Variants in WAC observed in about 807,000 individuals in gnomAD.
WAC encodes WW domain-containing adapter protein with coiled-coil.
WAC carries 11 observed loss-of-function variants against 79.6 expected under a neutral mutation model. The ratio of observed to expected loss-of-function variants is 0.14; its 90% CI spans 0.09 to 0.23. The LOEUF is 0.23. Ranked by LOEUF, WAC falls within the 10% of genes least tolerant of loss-of-function variation. WAC has a pLI of 1.00. For missense variants in WAC, 728 were observed against 773.5 expected (o/e 0.94, Z 0.70); for synonymous variants, 304 against 276.9 (o/e 1.10, Z -0.97).
intron 4 of WAC, among the ~76,000 whole-genome samples, chr10:28,585,033 A>G (rs955012163): frequency 2.0e-5 from 3 of 152,162 alleles, no homozygotes; most frequent in Non-Finnish European, 4.4e-5. Flanking sequence ...ACCCCATTGC[A>G]TTCCAGCCTG....
chr10:28,550,964 T>C (rs1229050104), intron 3 of WAC, among the ~76,000 whole-genome samples: 1 of 152,202 alleles, frequency 6.6e-6, no homozygotes, highest in African/African-American at 2.4e-5. Flanking sequence ...ACATTTTAAA[T>C]TTTGCAGTTC....
At chr10:28,568,705 C>T (rs1353758744) in intron 3 of WAC, among the ~76,000 whole-genome samples, 1 of 152,118 alleles carries the variant, frequency 6.6e-6, no homozygotes, top group African/African-American at 2.4e-5. Context: ...CCCCACACCC[C>T]ACGACAGGCC....
intron 3 of WAC, among the ~76,000 whole-genome samples, chr10:28,540,475 T>C (rs1200144854): frequency 2.0e-5 from 3 of 152,248 alleles, no homozygotes; most frequent in Non-Finnish European, 4.4e-5. Context: ...CTTGATAAGA[T>C]GTATTTGTGT....
At chr10:28,611,720 G>A (rs1429590103) in intron 9 of WAC, 54 bp from the exon 10 acceptor site, 1 of 1,592,120 alleles carries the variant, frequency 6.3e-7, no homozygotes, top group Non-Finnish European at 8.5e-7. Context: ...AAGGACTTTA[G>A]TTTTTTGTTT....
chr10:28,539,406 T>C (rs1051522133), intron 3 of WAC, among the ~76,000 whole-genome samples: 1 of 152,218 alleles, frequency 6.6e-6, no homozygotes, highest in East Asian at 1.9e-4. Context: ...AAGGAAATAA[T>C]GTCTATTGTA....
intron 8 of WAC, among the ~76,000 whole-genome samples, chr10:28,610,359 T>C (rs1271292510): frequency 1.3e-5 from 2 of 152,196 alleles, no homozygotes; most frequent in African/African-American, 4.8e-5. Flanking sequence ...TATAACATAC[T>C]GAACACTCAC....
At position 28,611,856 on chromosome 10, in the gene WAC, A is replaced by G; in HGVS notation, c.1371A>G (p.Thr457=). 1 of 1,614,142 alleles carries G rather than the reference A, an allele frequency of 6.2e-7. No homozygotes were observed. The highest frequency in any genetic ancestry group is 1.1e-5 in the South Asian group (1 of 91,080). Residue 457 remains threonine, a synonymous_variant, in exon 10 of 14, where the codon ACA becomes ACG. Transcript: ENST00000354911. The stretch of plus-strand genomic sequence containing the variant: ...CATATGTTTCTCCAAGAATAAGCAC[A>G]CCTCAAACTAACACAGTCCCTATCA... The part of the protein sequence containing the change: ...PRSYVSPRIS[T]PQTNTVPIKP...
At chr10:28,542,078 T>C (rs1300065602) in intron 3 of WAC, among the ~76,000 whole-genome samples, 1 of 152,180 alleles carries the variant, frequency 6.6e-6, no homozygotes, top group Non-Finnish European at 1.5e-5. Context: ...TTGTTTGTGC[T>C]ACTCTCTCCA....
intron 3 of WAC, among the ~76,000 whole-genome samples, chr10:28,563,025 G>A (rs1039200331): frequency 1.3e-5 from 2 of 152,166 alleles, no homozygotes; most frequent in Non-Finnish European, 2.9e-5. Context: ...ACTCTTTGGA[G>A]TTAGGTACAA....
At chr10:28,534,940 A>G (rs1046743586) in intron 2 of WAC, among the ~76,000 whole-genome samples, 1 of 152,244 alleles carries the variant, frequency 6.6e-6, no homozygotes, top group Non-Finnish European at 1.5e-5. Flanking sequence ...GATATGTGTT[A>G]GAATAAAGCT....
intron 3 of WAC, among the ~76,000 whole-genome samples, chr10:28,539,406 T>G (rs1051522133): frequency 1.2e-4 from 19 of 152,218 alleles, no homozygotes; most frequent in African/African-American, 4.6e-4. Context: ...AAGGAAATAA[T>G]GTCTATTGTA....
At chr10:28,595,238 T>G (rs532477848) in intron 6 of WAC, among the ~76,000 whole-genome samples, 6 of 152,312 alleles carry the variant, frequency 3.9e-5, no homozygotes, top group African/African-American at 1.4e-4. Flanking sequence ...AGGCAACTAA[T>G]TGTAGCTTAG....
At chr10:28,614,516 A>C in intron 10 of WAC, 51 bp from the exon 11 acceptor site, 9 of 1,372,112 alleles carry the variant, frequency 6.6e-6, no homozygotes, top group Non-Finnish European at 8.3e-6. Flanking sequence ...TTTTGGGGGG[A>C]GAGATGTGGA....
chr10:28,533,562 C>G lies in WAC; in HGVS notation c.-18C>G, dbSNP rs377277393. On this transcript the variant is annotated 5_prime_UTR_variant, in exon 1 of 14. Coordinates refer to ENST00000354911, the MANE Select transcript of WAC (RefSeq NM_016628.5). Reference sequence around the variant, plus strand: ...CGCTCTCCCCCCTCCCCGACACACACTCACAGGCCGGGCATTGATGGTAAT... The same window carrying G: ...CGCTCTCCCCCCTCCCCGACACACAGTCACAGGCCGGGCATTGATGGTAAT... 1 of 1,541,534 alleles carries G rather than the reference C, an allele frequency of 6.5e-7. No homozygotes were observed. Among genetic ancestry groups the G allele is most frequent in the Non-Finnish European group, 8.8e-7 (1 of 1,139,668 alleles).
intron 3 of WAC, among the ~76,000 whole-genome samples, chr10:28,560,280 A>G (rs1838228865): frequency 6.6e-6 from 1 of 152,176 alleles, no homozygotes; most frequent in Admixed American, 6.5e-5. Flanking sequence ...GCAATCACAG[A>G]TAGCTTGAGA....
At chr10:28,608,043 A>G in intron 7 of WAC, 143 bp from the exon 8 acceptor site, 1 of 832,622 alleles carries the variant, frequency 1.2e-6, no homozygotes, top group Non-Finnish European at 1.9e-6. Flanking sequence ...ATGTTTACTG[A>G]GCATCTTCTG....
intron 3 of WAC, among the ~76,000 whole-genome samples, chr10:28,568,598 G>A (rs1413046708): frequency 6.6e-6 from 1 of 151,896 alleles, no homozygotes; most frequent in East Asian, 1.9e-4. Flanking sequence ...ACAACGTGAG[G>A]TTTGTTACAT....
chr10:28,549,921 T>G (rs1837565576), intron 3 of WAC, among the ~76,000 whole-genome samples: 1 of 152,048 alleles, frequency 6.6e-6, no homozygotes. Context: ...TCCCAGCAGT[T>G]TGAGGTCCCG....
rs1564427145 is a variant in WAC, at chr10:28,622,424, T to TCCCCCCCCCC, written c.*2818_*2819insCCCCCCCCCC. 1.3e-3 allele frequency: 1 copy of TCCCCCCCCCC among 748 alleles called. No individual in the cohort carries two copies. 0.0% of individuals were successfully genotyped at this position (748 alleles called of 1,614,324 possible). On this transcript the variant is annotated 3_prime_UTR_variant, in exon 14 of 14. Transcript: ENST00000354911. The stretch of plus-strand genomic sequence containing the variant: ...AACTTGAGTGGCCTTTCCCTCCCCC[T>TCCCCCCCCCC]GCCCCCCCCCCCCCCCCCCCGTTTT...
Sources: gnomAD v4.1 joint callset for allele counts (sites outside exome capture counted in the v4.1 genomes callset) on GRCh38, gnomAD v4.1.1 for gene constraint, MANE v1.5 for transcripts, NCBI Gene and HGNC (gene_info 2026-07-23, HGNC 2026-07-21) for gene names.